The following HNMT variants were observed in gnomAD, a reference collection of about 807,000 sequenced individuals.
HNMT encodes histamine N-methyltransferase.
In HNMT, 30 loss-of-function variants were observed where a neutral mutation model predicts 32.1. The observed-to-expected ratio is 0.93, with a 90% CI of 0.70 to 1.27. The LOEUF (loss-of-function observed/expected upper bound fraction) is 1.27. Among genes scored for constraint, HNMT ranks in the 50% most tolerant of loss-of-function variants. The probability of loss-of-function intolerance (pLI) is 0.00; values close to 1 mark genes in which losing one functional copy is unlikely to be tolerated. For synonymous variants in HNMT, 125 were observed against 119.0 expected (o/e 1.05, Z -0.33); for missense variants, 327 against 346.0 (o/e 0.95, Z 0.43).
chr2:138,010,914 G>A (rs1681483663), intron 5 of HNMT, among the ~76,000 whole-genome samples: 1 of 152,002 alleles, frequency 6.6e-6, no homozygotes, highest in Non-Finnish European at 1.5e-5. Flanking sequence ...TCTGGTTAAG[G>A]GAGATGAGCC....
chr2:138,005,012 G>T, intron 4 of HNMT, 120 bp from the exon 5 acceptor site: 2 of 595,602 alleles, frequency 3.4e-6, no homozygotes, highest in Non-Finnish European at 6.1e-6. Context: ...AATTTCTTAA[G>T]TGTTTTCTTG....
At chr2:137,999,018 A>G (rs994197482) in intron 2 of HNMT, among the ~76,000 whole-genome samples, 1 of 152,136 alleles carries the variant, frequency 6.6e-6, no homozygotes, top group Non-Finnish European at 1.5e-5. Flanking sequence ...GTTGCTGAAC[A>G]GAAGAATAAA....
chr2:138,010,776 C>A (rs956269670), intron 5 of HNMT, among the ~76,000 whole-genome samples: 3 of 151,876 alleles, frequency 2.0e-5, no homozygotes, highest in Non-Finnish European at 4.4e-5. Context: ...GATATAAGAA[C>A]AAGAGAGTTG....
At chr2:137,969,863 C>A (rs1334344754) in intron 1 of HNMT, among the ~76,000 whole-genome samples, 1 of 152,154 alleles carries the variant, frequency 6.6e-6, no homozygotes, top group East Asian at 1.9e-4. Context: ...TGACTAGACT[C>A]AAAACTCCAC....
chr2:137,991,487 C>T (rs1580111), intron 2 of HNMT, among the ~76,000 whole-genome samples: 62,632 of 152,082 alleles, frequency 0.41, 13,104 homozygotes, highest in South Asian at 0.46. Context: ...GGTGGAAACA[C>T]GTTATAGTCC....
chr2:137,981,071 T>C (rs1270786686), intron 2 of HNMT: 9 of 1,060,056 alleles, frequency 8.5e-6, no homozygotes, highest in Non-Finnish European at 1.2e-5. Flanking sequence ...AAAATGATAA[T>C]AATCTTAATG....
intron 2 of HNMT, among the ~76,000 whole-genome samples, chr2:137,982,952 G>A (rs948800295): frequency 1.3e-5 from 2 of 152,086 alleles, no homozygotes; most frequent in Non-Finnish European, 2.9e-5. Context: ...AAGAGCTGAG[G>A]TTCAGATATT....
intron 2 of HNMT, among the ~76,000 whole-genome samples, chr2:137,979,382 T>G (rs1284733569): frequency 6.6e-6 from 1 of 151,790 alleles, no homozygotes; most frequent in Admixed American, 6.6e-5. Context: ...GCCATTCTCC[T>G]GCCTCAGCCT....
intron 4 of HNMT, 40 bp from the exon 5 acceptor site, chr2:138,005,092 C>A: frequency 1.8e-6 from 2 of 1,116,316 alleles, no homozygotes; most frequent in Non-Finnish European, 2.7e-6. Flanking sequence ...AAGACTTCAA[C>A]ATACAGAAGC....
At chr2:137,970,939 AAGAAAG>A (rs1558951037) in intron 2 of HNMT, among the ~76,000 whole-genome samples, 811 of 7,204 alleles carry the variant, frequency 0.11, 85 homozygotes, top group African/African-American at 0.17. Context: ...AAAAAAAAGA[AAGAAAG>A]AAAGAAAGAA....
chr2:137,989,316 A>G (rs79767255), intron 2 of HNMT, among the ~76,000 whole-genome samples: 3 of 152,170 alleles, frequency 2.0e-5, no homozygotes, highest in Non-Finnish European at 4.4e-5. Flanking sequence ...CATCTAGTTG[A>G]AATCACACAG....
chr2:137,984,604 CCCAA>C (rs1680597646), intron 2 of HNMT, among the ~76,000 whole-genome samples: 1 of 152,052 alleles, frequency 6.6e-6, no homozygotes. Context: ...ATGCAAAATT[CCCAA>C]ATTAGTCTCA....
At chr2:137,996,057 C>A (rs550539168) in intron 2 of HNMT, among the ~76,000 whole-genome samples, 76 of 152,214 alleles carry the variant, frequency 5.0e-4, no homozygotes, top group African/African-American at 1.7e-3. Flanking sequence ...CTTACCCAAC[C>A]AATATCATAT....
Position 137,984,557 on chromosome 2 carries a change from C to A in HNMT, c.190+14340C>A, listed in dbSNP as rs372414336. On this transcript the variant is annotated intron_variant, in intron 2 of 5. Coordinates refer to ENST00000280097, the MANE Select transcript of HNMT (RefSeq NM_006895.3). ...GGCATTTCCTGGCATATAATGGATC[C>A]TTAGTGGATGTATGATTGAAAGAAA... 1.6e-4 allele frequency among the ~76,000 whole-genome samples: 24 copies of A among 152,210 alleles called. No homozygotes were observed. The East Asian group carries it at 2.9e-3, about 18-fold the overall frequency.
At chr2:137,986,953 A>G (rs1680668472) in intron 2 of HNMT, among the ~76,000 whole-genome samples, 2 of 152,176 alleles carry the variant, frequency 1.3e-5, no homozygotes, top group Admixed American at 1.3e-4. Flanking sequence ...CATCATCATC[A>G]CAAGCACAGA....
intron 2 of HNMT, among the ~76,000 whole-genome samples, chr2:137,995,281 A>G (rs1680957538): frequency 6.6e-6 from 1 of 152,102 alleles, no homozygotes; most frequent in Non-Finnish European, 1.5e-5. Flanking sequence ...AGACTAATAA[A>G]GGAGAAAAGA....
chr2:137,974,890 A>G (rs1371046006), intron 2 of HNMT, among the ~76,000 whole-genome samples: 2 of 152,184 alleles, frequency 1.3e-5, no homozygotes, highest in Non-Finnish European at 2.9e-5. Flanking sequence ...ACATATGTTG[A>G]GACCAGTTTG....
chr2:137,974,824 T>C (rs1558952636), intron 2 of HNMT, among the ~76,000 whole-genome samples: 2 of 152,200 alleles, frequency 1.3e-5, no homozygotes. Context: ...AAGCAACTCA[T>C]ATATGAAATA....
At chr2:137,991,306 G>A (rs1353829729) in intron 2 of HNMT, among the ~76,000 whole-genome samples, 1 of 152,246 alleles carries the variant, frequency 6.6e-6, no homozygotes. Context: ...CAACCATGTA[G>A]TAATGTGATT....
Sources: gnomAD v4.1 joint callset for allele counts (sites outside exome capture counted in the v4.1 genomes callset) on GRCh38, gnomAD v4.1.1 for gene constraint, MANE v1.5 for transcripts, NCBI Gene and HGNC (gene_info 2026-07-23, HGNC 2026-07-21) for gene names.